Variants in FCRL3 observed in about 807,000 individuals in gnomAD.
FCRL3 encodes the protein Fc receptor-like protein 3.
Under a neutral mutation model 75.0 loss-of-function variants are expected in FCRL3, and 89 were observed. The ratio of observed to expected loss-of-function variants is 1.19; its 90% confidence interval spans 1.00 to 1.42. FCRL3 has a LOEUF of 1.42. Ranked by LOEUF, FCRL3 falls within the 40% of genes most tolerant of loss-of-function variation. The probability of loss-of-function intolerance (pLI) is 0.00; values close to 1 mark genes in which losing one functional copy is unlikely to be tolerated. For synonymous variants in FCRL3, 376 were observed against 348.5 expected (o/e 1.08, Z -0.88); for missense variants, 946 against 880.0 (o/e 1.07, Z -0.95).
chr1:157,680,919 C>T, intron 12 of FCRL3, 62 bp downstream of exon 12: 3 of 1,474,436 alleles, frequency 2.0e-6, no homozygotes, highest in Non-Finnish European at 1.9e-6. Flanking sequence ...TGGGCTGTCG[C>T]TCAATCCCTC....
chr1:157,695,563 G>C lies in FCRL3; in HGVS notation c.1177C>G (p.His393Asp). 6.2e-7 allele frequency: 1 copy of C among 1,613,886 alleles called. No homozygotes were observed. Among genetic ancestry groups the C allele is most frequent in the South Asian group, 1.1e-5 (1 of 91,070 alleles). ...PVLTFRAPRA[H>D]TVVGDLLELH... Reference sequence around the variant, plus strand: ...TCCAGCAGGTCCCCCACCACAGTGTGGGCCCTGGGAGCCCTGAAGGTGAGG... The same window carrying C: ...TCCAGCAGGTCCCCCACCACAGTGTCGGCCCTGGGAGCCCTGAAGGTGAGG... The change falls in exon 8 of 15, where the codon CAC (histidine) becomes GAC (aspartate). Residue 393 changes from histidine to aspartate, a missense_variant. His to Asp is a moderately conservative substitution (Grantham distance 81, BLOSUM62 -1). Transcript: ENST00000368184.
chr1:157,696,114 G>T lies in FCRL3; in HGVS notation c.1058C>A (p.Ala353Glu). ...ATCAGCTGCACAGTAGTATCTCCCT[G>T]CATCACTCTCCTTCACGGTGAGAAC... The part of the protein sequence containing the change: ...LHVLTVKESD[A>E]GRYYCAADNV... The change falls in exon 7 of 15, where the codon GCA becomes GAA. Residue 353 changes from alanine (A) to glutamate (E), a missense_variant. By Grantham distance (107) the Ala-to-Glu change is moderately radical. Coordinates refer to ENST00000368184, the MANE Select transcript of FCRL3 (RefSeq NM_052939.4). 6.2e-7 allele frequency: 1 copy of T among 1,613,758 alleles called. No homozygotes were observed. Among genetic ancestry groups the T allele is most frequent in the African/African-American group, 1.3e-5 (1 of 74,956 alleles).
chr1:157,693,368 T>A (rs552043850), intron 8 of FCRL3, among the ~76,000 whole-genome samples: 2 of 152,064 alleles, frequency 1.3e-5, no homozygotes, highest in South Asian at 4.2e-4. Flanking sequence ...AACATAAACT[T>A]ATTAACCAAA....
Position 157,677,272 on chromosome 1 carries a change from G to A in FCRL3, c.*1438C>T. 1 of 993,324 alleles carries A rather than the reference G, an allele frequency of 1.0e-6. No homozygotes were observed. Among genetic ancestry groups the A allele is most frequent in the Non-Finnish European group, 1.2e-6 (1 of 834,252 alleles). 61.5% of individuals were successfully genotyped at this position (993,324 alleles called of 1,614,324 possible). ...ACCTAAGGGTAGCAGAGTTTATGGT[G>A]ACCCTGTAGTGTATCTCCAGAAATG... On this transcript the variant is annotated 3_prime_UTR_variant, in exon 15 of 15. Transcript: ENST00000368184.
intron 10 of FCRL3, among the ~76,000 whole-genome samples, chr1:157,685,044 TC>T (rs1655088024): frequency 6.6e-6 from 1 of 151,956 alleles, no homozygotes; most frequent in African/African-American, 2.4e-5. Context: ...AAATAACACT[TC>T]CCCTAAGTCT....
chr1:157,678,869 A>T lies in FCRL3; in HGVS notation c.2059-13T>A. The T allele has an allele frequency of 6.2e-7, 1 of 1,614,066 alleles. No homozygotes were observed. The highest frequency in any genetic ancestry group is 8.5e-7 in the Non-Finnish European group (1 of 1,179,990). ...GGACTGTAAGTTCCTGGTAGAAAAA[A>T]ACACAAAAGGTAAGTACCTAAATAC... On this transcript the variant is annotated splice_polypyrimidine_tract_variant and intron_variant, in intron 14 of 14. Transcript: ENST00000368184.
intron 10 of FCRL3, 60 bp from the exon 11 acceptor site, chr1:157,683,304 G>A: frequency 6.3e-7 from 1 of 1,581,614 alleles, no homozygotes; most frequent in Non-Finnish European, 8.6e-7. Context: ...TGAACTCTCT[G>A]TTAGAACATT....
chr1:157,697,927 G>A lies in FCRL3; in HGVS notation c.299-8C>T, dbSNP rs1339592523. ...CCTGCAGGATCAGCCAGTCTGCAAA[G>A]AGCACAGGAGCACACTCAGGTTATC... On this transcript the variant is annotated splice_region_variant and splice_polypyrimidine_tract_variant and intron_variant, in intron 4 of 14. Transcript: ENST00000368184. The A allele has an allele frequency of 6.2e-7, 1 of 1,612,082 alleles. No individual in the cohort carries two copies. Among genetic ancestry groups the A allele is most frequent in the African/African-American group, 1.3e-5 (1 of 74,892 alleles).
At chr1:157,685,525 C>T (rs892098195) in intron 10 of FCRL3, among the ~76,000 whole-genome samples, 1 of 152,030 alleles carries the variant, frequency 6.6e-6, no homozygotes, top group East Asian at 1.9e-4. Flanking sequence ...GACAGATCAT[C>T]GAGGCAGAAA....
Position 157,690,314 on chromosome 1 carries a change from C to T in FCRL3, c.1631G>A (p.Cys544Tyr), listed in dbSNP as rs1655434287. 1 of 1,614,132 alleles carries T rather than the reference C, an allele frequency of 6.2e-7. No homozygotes were observed. Among genetic ancestry groups the T allele is most frequent in the Non-Finnish European group, 8.5e-7 (1 of 1,180,052 alleles). ...GGCCCCCAGGCCATTGTCAGCCTCACATGAGTAGTTTCCAGAATGTTCTGT... is the reference window on the plus strand; with the variant it reads ...GGCCCCCAGGCCATTGTCAGCCTCATATGAGTAGTTTCCAGAATGTTCTGT... Reference protein sequence around the residue: ...LTTEHSGNYSCEADNGLGAQH... With the variant: ...LTTEHSGNYSYEADNGLGAQH... Residue 544 changes from cysteine to tyrosine, a missense_variant, in exon 9 of 15, where the codon TGT becomes TAT. Transcript: ENST00000368184.
intron 2 of FCRL3, 150 bp downstream of exon 2, chr1:157,700,309 G>T: frequency 9.3e-6 from 11 of 1,181,354 alleles, no homozygotes; most frequent in Non-Finnish European, 1.3e-5. Flanking sequence ...GAGCCTCTTG[G>T]TTGTCCAGGG....
intron 8 of FCRL3, among the ~76,000 whole-genome samples, chr1:157,692,558 C>G (rs1209067130): frequency 1.3e-5 from 2 of 152,162 alleles, no homozygotes; most frequent in East Asian, 1.9e-4. Context: ...ATTTACAATG[C>G]TTTGTAATGA....
At chr1:157,689,078 CT>C in intron 10 of FCRL3, among the ~76,000 whole-genome samples, 1 of 152,256 alleles carries the variant, frequency 6.6e-6, no homozygotes, top group East Asian at 1.9e-4. Context: ...AGATTGAATA[CT>C]TTCCCCCTAA....
At chr1:157,689,533 G>A (rs1469644671) in intron 10 of FCRL3, among the ~76,000 whole-genome samples, 3 of 152,036 alleles carry the variant, frequency 2.0e-5, no homozygotes, top group African/African-American at 7.2e-5. Flanking sequence ...GATAGAACAT[G>A]AGTTAATTAA....
At chr1:157,692,320 C>G (rs1655599561) in intron 8 of FCRL3, among the ~76,000 whole-genome samples, 1 of 152,056 alleles carries the variant, frequency 6.6e-6, no homozygotes, top group Admixed American at 6.5e-5. Flanking sequence ...CTCACTGAAG[C>G]CTTGACCTCC....
chr1:157,679,590 A>G (rs1394404317), intron 13 of FCRL3, among the ~76,000 whole-genome samples: 4 of 152,136 alleles, frequency 2.6e-5, no homozygotes, highest in Non-Finnish European at 5.9e-5. Context: ...AATGCCTTCT[A>G]TTAGGCATTA....
chr1:157,680,408 C>T (rs1306456508), intron 13 of FCRL3, among the ~76,000 whole-genome samples: 1 of 152,212 alleles, frequency 6.6e-6, no homozygotes, highest in Non-Finnish European at 1.5e-5. Flanking sequence ...TTTGATTATT[C>T]ACTCATTAAT....
chr1:157,686,078 A>T (rs1557824785), intron 10 of FCRL3, among the ~76,000 whole-genome samples: 1 of 151,922 alleles, frequency 6.6e-6, no homozygotes, highest in East Asian at 1.9e-4. Context: ...AGCCCTCAAG[A>T]CTCTGCCAAG....
intron 6 of FCRL3, chr1:157,696,677 A>G (rs1557832998): frequency 3.4e-6 from 1 of 296,178 alleles, no homozygotes; most frequent in Non-Finnish European, 6.3e-6. Flanking sequence ...AGATCAAAAT[A>G]GAATCCAAAC....
Sources: gnomAD v4.1 joint callset for allele counts (sites outside exome capture counted in the v4.1 genomes callset) on GRCh38, gnomAD v4.1.1 for gene constraint, MANE v1.5 for transcripts, NCBI Gene and HGNC (gene_info 2026-07-23, HGNC 2026-07-21) for gene names.